TBC1D9: variants seen among roughly 807,000 people sequenced by gnomAD.
TBC1D9 encodes TBC1 domain family member 9, also known as TBC1 domain family member 9A.
TBC1D9 carries 63 observed loss-of-function variants against 132.0 expected under a neutral mutation model. The observed-to-expected ratio is 0.48, with a 90% CI of 0.39 to 0.59. The LOEUF (loss-of-function observed/expected upper bound fraction) is 0.59. TBC1D9 is among the 20% of genes least tolerant of loss of function. The pLI is 0.00. For synonymous variants in TBC1D9, 610 were observed against 609.9 expected, an observed-to-expected ratio of 1.00 and a Z score of 0.00; for missense variants, 1,261 against 1,592.7, an observed-to-expected ratio of 0.79 and a Z score of 3.54.
chr4:140,749,557 TCA>T lies in TBC1D9; in HGVS notation c.130+6357_130+6358del, dbSNP rs558883978. Among the ~76,000 whole-genome samples, 51 of 152,230 alleles carry T rather than the reference TCA, an allele frequency of 3.4e-4. 1 individual carries two copies. The highest frequency in any genetic ancestry group is 2.0e-3 in the Admixed American group (31 of 15,278). On this transcript the variant is annotated intron_variant, in intron 1 of 20. Coordinates refer to ENST00000442267, the MANE Select transcript of TBC1D9 (RefSeq NM_015130.3). ...AAGTCAACTGCCCAGGTATGGGGGC[TCA>T]CACTTGTAATTCCAGCACTTTGAGA...
chr4:140,644,323 G>A, intron 13 of TBC1D9: 1 of 277,504 alleles, frequency 3.6e-6, no homozygotes. Context: ...AGGGAGTGGG[G>A]AGGCAGGCTG....
At chr4:140,661,859 TA>T (rs758391336) in intron 10 of TBC1D9, 33 bp downstream of exon 10, 66 of 1,546,552 alleles carry the variant, frequency 4.3e-5, no homozygotes, top group Admixed American at 9.0e-5. Context: ...AATTTTATTT[TA>T]TTTTTTTAGC....
At chr4:140,751,265 C>A (rs1372802636) in intron 1 of TBC1D9, among the ~76,000 whole-genome samples, 1 of 152,028 alleles carries the variant, frequency 6.6e-6, no homozygotes, top group Non-Finnish European at 1.5e-5. Flanking sequence ...ACTAGAAAAC[C>A]CAAAACAGAC....
At chr4:140,677,526 C>T (rs1395576336) in intron 5 of TBC1D9, among the ~76,000 whole-genome samples, 1 of 152,150 alleles carries the variant, frequency 6.6e-6, no homozygotes, top group African/African-American at 2.4e-5. Context: ...AGTGTCCACC[C>T]CAAATCGACA....
In TBC1D9 at chr4:140,645,235, G is replaced by A. The variant is rs148142645; in HGVS notation, c.2338-5807C>T. 2,205 of 532,678 alleles carry A rather than the reference G, an allele frequency of 4.1e-3. 32 individuals are homozygous for A. Among genetic ancestry groups the A allele is most frequent in the African/African-American group, 0.035 (1,852 of 52,274 alleles). 33.0% of individuals were successfully genotyped at this position (532,678 alleles called of 1,614,324 possible). ...AGCCATTACTCCTGGTGTCTGGCCC[G>A]GTGTCCACACAGTCCTCATCTGCTT... On this transcript the variant is annotated intron_variant, in intron 13 of 20. Coordinates refer to ENST00000442267, the MANE Select transcript of TBC1D9 (RefSeq NM_015130.3).
At chr4:140,684,753 C>T (rs1222369502) in intron 3 of TBC1D9, among the ~76,000 whole-genome samples, 2 of 151,276 alleles carry the variant, frequency 1.3e-5, no homozygotes, top group African/African-American at 2.4e-5. Context: ...TTGCTTGAAC[C>T]CAGGAGGCAG....
rs112159519 is a variant in TBC1D9 at position 140,695,018 on chromosome 4, C to T, written c.241+6486G>A. ...AAAATACCTATCAACTTTCACATTACGTCTGCCTCATGCAGAAGGCAACTA... is the reference window on the plus strand; with the variant it reads ...AAAATACCTATCAACTTTCACATTATGTCTGCCTCATGCAGAAGGCAACTA... On this transcript the variant is annotated intron_variant, in intron 2 of 20. Transcript: ENST00000442267. Among the ~76,000 whole-genome samples, 367 of 152,308 alleles carry T rather than the reference C, an allele frequency of 2.4e-3. 3 individuals are homozygous for T. The highest frequency in any genetic ancestry group is 7.6e-3 in the African/African-American group (316 of 41,570).
intron 1 of TBC1D9, among the ~76,000 whole-genome samples, chr4:140,724,776 G>C (rs1475970792): frequency 1.3e-5 from 2 of 151,800 alleles, no homozygotes; most frequent in Non-Finnish European, 2.9e-5. Context: ...ACAATTTATA[G>C]GAAAAAAATC....
intron 1 of TBC1D9, among the ~76,000 whole-genome samples, chr4:140,749,623 G>A (rs1560904174): frequency 6.6e-6 from 1 of 152,098 alleles, no homozygotes; most frequent in Non-Finnish European, 1.5e-5. Flanking sequence ...AGGAGTTTGA[G>A]ACCAGCCTGG....
intron 20 of TBC1D9, 45 bp from the exon 21 acceptor site, chr4:140,622,962 C>G: frequency 6.8e-7 from 1 of 1,466,500 alleles, no homozygotes; most frequent in Non-Finnish European, 9.0e-7. Context: ...CTTGGGGGAG[C>G]AGAAAGGCAG....
intron 2 of TBC1D9, among the ~76,000 whole-genome samples, chr4:140,695,732 G>A (rs948387606): frequency 6.6e-6 from 1 of 152,136 alleles, no homozygotes; most frequent in Non-Finnish European, 1.5e-5. Flanking sequence ...GCCAACTGAA[G>A]GCCAAGGAAG....
chr4:140,644,064 T>A (rs1737058095), intron 13 of TBC1D9: 1 of 430,424 alleles, frequency 2.3e-6, no homozygotes, highest in East Asian at 5.1e-5. Flanking sequence ...TGTCAGGCGC[T>A]TGGTCCCATC....
intron 1 of TBC1D9, among the ~76,000 whole-genome samples, chr4:140,732,061 G>T (rs1738601934): frequency 6.6e-6 from 1 of 152,156 alleles, no homozygotes; most frequent in Non-Finnish European, 1.5e-5. Flanking sequence ...TGCCCACATA[G>T]GCCCTACTCA....
At chr4:140,690,375 G>T (rs1737858768) in intron 2 of TBC1D9, among the ~76,000 whole-genome samples, 1 of 151,994 alleles carries the variant, frequency 6.6e-6, no homozygotes, top group Admixed American at 6.5e-5. Context: ...CTCCAACATT[G>T]TTCTCACCAC....
At position 140,679,142 on chromosome 4, in the gene TBC1D9, C is replaced by A; in HGVS notation, c.651G>T (p.Leu217=). ...TQLEKNATLL[L]PDVIKVSTRS... Reference sequence around the variant, plus strand: ...GTGTGCTCACTTTGATCACATCAGGCAGAAGCAGGGTGGCATTCTTCTCAA... The same window carrying A: ...GTGTGCTCACTTTGATCACATCAGGAAGAAGCAGGGTGGCATTCTTCTCAA... Residue 217 remains leucine (L), a synonymous_variant, in exon 5 of 21, where the codon CTG becomes CTT. Transcript: ENST00000442267. The A allele has an allele frequency of 1.9e-6, 3 of 1,613,870 alleles. No homozygotes were observed. Among genetic ancestry groups the A allele is most frequent in the African/African-American group, 1.3e-5 (1 of 75,010 alleles).
chr4:140,676,842 A>G (rs1378083326), intron 6 of TBC1D9, 52 bp downstream of exon 6: 6 of 1,596,818 alleles, frequency 3.8e-6, no homozygotes, highest in Non-Finnish European at 5.1e-6. Context: ...TGGTTCACCC[A>G]GAAAAGTATT....
intron 2 of TBC1D9, among the ~76,000 whole-genome samples, chr4:140,690,712 A>C (rs1737864464): frequency 6.6e-6 from 1 of 152,244 alleles, no homozygotes; most frequent in East Asian, 1.9e-4. Context: ...ATCCAAGCCT[A>C]AGATACAAAG....
chr4:140,751,242 A>G (rs1037514890), intron 1 of TBC1D9, among the ~76,000 whole-genome samples: 2 of 152,324 alleles, frequency 1.3e-5, no homozygotes, highest in Admixed American at 1.3e-4. Context: ...ATGCTAATAA[A>G]CAAAAGACAT....
At chr4:140,673,668 G>GCGCCT (rs2111012619) in intron 6 of TBC1D9, among the ~76,000 whole-genome samples, 2 of 152,300 alleles carry the variant, frequency 1.3e-5, no homozygotes, top group Non-Finnish European at 2.9e-5. Flanking sequence ...CTTTAAAGCT[G>GCGCCT]CGCCTTCCAA....
Sources: gnomAD v4.1 joint callset for allele counts (sites outside exome capture counted in the v4.1 genomes callset) on GRCh38, gnomAD v4.1.1 for gene constraint, MANE v1.5 for transcripts, NCBI Gene and HGNC (gene_info 2026-07-23, HGNC 2026-07-21) for gene names.